MAPK10: variants seen among roughly 807,000 people sequenced by gnomAD.
MAPK10 encodes JNK3 alpha protein kinase.
Under a neutral mutation model 59.3 loss-of-function variants are expected in MAPK10, and 25 were observed. That is an observed-to-expected ratio of 0.42 (90% CI 0.31 to 0.59). MAPK10 has a LOEUF of 0.59. MAPK10 is among the 20% of genes least tolerant of loss of function. MAPK10 has a pLI of 0.15. For missense variants in MAPK10, 351 were observed against 568.9 expected (o/e 0.62, Z 3.90); for synonymous variants, 190 against 200.5 (o/e 0.95, Z 0.44).
intron 1 of MAPK10, among the ~76,000 whole-genome samples, chr4:86,471,061 G>A (rs1752613935): frequency 6.6e-6 from 1 of 152,000 alleles, no homozygotes; most frequent in Admixed American, 6.6e-5. Flanking sequence ...ACAAGGTCAG[G>A]AGTTCAAGAC....
chr4:86,088,334 G>A (rs1233011510), intron 9 of MAPK10, among the ~76,000 whole-genome samples: 2 of 151,966 alleles, frequency 1.3e-5, no homozygotes, highest in Non-Finnish European at 2.9e-5. Context: ...GACTTTCACC[G>A]TGCCCGGCTA....
chr4:86,356,999 C>G (rs1242039248), intron 1 of MAPK10: 1 of 152,174 alleles, frequency 6.6e-6, no homozygotes, highest in Non-Finnish European at 1.5e-5. Flanking sequence ...CTGGACACTT[C>G]CGTGCCTCTT....
chr4:86,567,421 T>C (rs954277571), intron 1 of MAPK10, among the ~76,000 whole-genome samples: 9 of 152,172 alleles, frequency 5.9e-5, no homozygotes, highest in Non-Finnish European at 1.3e-4. Context: ...GGTTTCACCA[T>C]ATTGGTCAGG....
chr4:86,473,701 C>A (rs1579332015), intron 1 of MAPK10, among the ~76,000 whole-genome samples: 1 of 152,186 alleles, frequency 6.6e-6, no homozygotes, highest in African/African-American at 2.4e-5. Context: ...TTTGGCTCTC[C>A]TTGGTTCTAA....
intron 1 of MAPK10, 124 bp downstream of exon 1, chr4:86,359,534 C>G: frequency 1.5e-5 from 4 of 269,188 alleles, no homozygotes; most frequent in Non-Finnish European, 2.3e-5. Context: ...GATTAACCTG[C>G]TTTCCACCCC....
Position 86,529,363 on chromosome 4 carries a change from T to G in MAPK10, c.-263+64547A>C, listed in dbSNP as rs528169110. ...GCACCAACTCTCAAGTCTGCAGGCA[T>G]GTGAGGACTTTACCCCTATTTTGAA... On this transcript the variant is annotated intron_variant, in intron 1 of 4. Transcript: ENST00000502302. Among the ~76,000 whole-genome samples, 404 of 152,280 alleles carry G rather than the reference T, an allele frequency of 2.7e-3. 2 individuals carry two copies. The highest frequency in any genetic ancestry group is 9.5e-3 in the African/African-American group (393 of 41,542).
At chr4:86,546,936 G>T (rs967183370) in intron 1 of MAPK10, among the ~76,000 whole-genome samples, 2 of 151,872 alleles carry the variant, frequency 1.3e-5, no homozygotes, top group Non-Finnish European at 2.9e-5. Flanking sequence ...GGCACCTGTA[G>T]TCCCAGTTAC....
At chr4:86,032,815 A>G (rs1462425623) in intron 11 of MAPK10, among the ~76,000 whole-genome samples, 1 of 152,218 alleles carries the variant, frequency 6.6e-6, no homozygotes, top group Admixed American at 6.5e-5. Flanking sequence ...GTAACTTAGC[A>G]TAATACTGAA....
intron 4 of MAPK10, among the ~76,000 whole-genome samples, chr4:86,121,782 T>C (rs182920089): frequency 6.6e-6 from 1 of 152,290 alleles, no homozygotes; most frequent in East Asian, 1.9e-4. Context: ...TTATGAACTC[T>C]AGTCATTATG....
intron 4 of MAPK10, among the ~76,000 whole-genome samples, chr4:86,146,341 A>G (rs1380272575): frequency 2.6e-5 from 4 of 152,204 alleles, no homozygotes; most frequent in African/African-American, 9.7e-5. Flanking sequence ...AAATAATGTG[A>G]TGATGCTAAT....
intron 1 of MAPK10, among the ~76,000 whole-genome samples, chr4:86,408,139 G>T (rs1342759988): frequency 6.7e-6 from 1 of 149,580 alleles, no homozygotes; most frequent in Non-Finnish European, 1.5e-5. Flanking sequence ...CTATGAGTGA[G>T]AACATGCAGT....
chr4:86,342,486 C>A (rs1397547829), intron 2 of MAPK10, among the ~76,000 whole-genome samples: 1 of 152,104 alleles, frequency 6.6e-6, no homozygotes, highest in East Asian at 1.9e-4. Context: ...AAGAACCTGG[C>A]AAACATTCTC....
At chr4:86,104,060 ATTAG>A (rs1397050028) in intron 5 of MAPK10, among the ~76,000 whole-genome samples, 1 of 152,104 alleles carries the variant, frequency 6.6e-6, no homozygotes, top group Non-Finnish European at 1.5e-5. Flanking sequence ...TTTTATAAAA[ATTAG>A]ATAAGTACAA....
rs1235893999 is a variant in MAPK10, at chr4:86,436,382, T to A, written c.-122+16648A>T. Reference sequence around the variant, plus strand: ...AATAAGTTACAGTTAGAAGCAAGCATAATGATAGCAAAAGAAATTGTAGCT... The same window carrying A: ...AATAAGTTACAGTTAGAAGCAAGCAAAATGATAGCAAAAGAAATTGTAGCT... On this transcript the variant is annotated intron_variant, in intron 1 of 13. Coordinates refer to the MAPK10 transcript ENST00000361569. Among the ~76,000 whole-genome samples, 5 of 152,146 alleles carry A rather than the reference T, an allele frequency of 3.3e-5. No individual in the cohort carries two copies. In the East Asian group the frequency reaches 9.6e-4, roughly 29 times the overall value.
chr4:86,349,925 G>A (rs777739239), intron 2 of MAPK10, among the ~76,000 whole-genome samples: 1 of 152,190 alleles, frequency 6.6e-6, no homozygotes, highest in Non-Finnish European at 1.5e-5. Flanking sequence ...TAAACAGCAT[G>A]AAGTAAATCA....
chr4:86,575,049 G>A (rs1376189725), intron 1 of MAPK10, among the ~76,000 whole-genome samples: 1 of 152,118 alleles, frequency 6.6e-6, no homozygotes, highest in African/African-American at 2.4e-5. Flanking sequence ...TCCCAGTGTG[G>A]GTGGGCATCA....
At chr4:86,042,947 C>G (rs1409150627) in intron 11 of MAPK10, among the ~76,000 whole-genome samples, 1 of 152,086 alleles carries the variant, frequency 6.6e-6, no homozygotes, top group Non-Finnish European at 1.5e-5. Flanking sequence ...TCCAAGGTAT[C>G]TCATTATCCA....
At chr4:86,023,750 A>T (rs1444285996) in intron 13 of MAPK10, among the ~76,000 whole-genome samples, 1 of 144,018 alleles carries the variant, frequency 6.9e-6, no homozygotes, top group Non-Finnish European at 1.5e-5. Context: ...AATTATACTG[A>T]GGACTTATTT....
intron 1 of MAPK10, among the ~76,000 whole-genome samples, chr4:86,496,932 C>G (rs932683919): frequency 7.9e-5 from 12 of 152,182 alleles, no homozygotes; most frequent in African/African-American, 2.9e-4. Context: ...AATGTCGGCA[C>G]TAACTAATCT....
Sources: gnomAD v4.1 joint callset for allele counts (sites outside exome capture counted in the v4.1 genomes callset) on GRCh38, gnomAD v4.1.1 for gene constraint, MANE v1.5 for transcripts, NCBI Gene and HGNC (gene_info 2026-07-23, HGNC 2026-07-21) for gene names.